ROBO1: variants seen among roughly 807,000 people sequenced by gnomAD.
ROBO1 encodes the protein roundabout homolog 1.
Under a neutral mutation model 195.9 loss-of-function variants are expected in ROBO1, and 149 were observed. The observed-to-expected ratio is 0.76, with a 90% CI of 0.67 to 0.87. The LOEUF is 0.87. ROBO1 is among the 40% of genes least tolerant of loss of function. The pLI is 0.00. For missense variants in ROBO1, 1,933 were observed against 2,068.3 expected (o/e 0.93, Z 1.27); for synonymous variants, 816 against 733.2 (o/e 1.11, Z -1.82).
At chr3:79,682,982 C>CAT (rs10693414) in intron 1 of ROBO1, among the ~76,000 whole-genome samples, 91,263 of 151,530 alleles carry the variant, frequency 0.6, 27,672 homozygotes, top group South Asian at 0.69. Context: ...ATGTAAAAGA[C>CAT]ATATAGGATA....
intron 2 of ROBO1, among the ~76,000 whole-genome samples, chr3:79,248,588 T>G (rs1010564055): frequency 1.3e-5 from 2 of 152,172 alleles, no homozygotes; most frequent in Non-Finnish European, 2.9e-5. Flanking sequence ...AATATTGTGA[T>G]TCAATATAAA....
chr3:78,989,548 A>G (rs1171599383), intron 3 of ROBO1, among the ~76,000 whole-genome samples: 1 of 152,212 alleles, frequency 6.6e-6, no homozygotes, highest in Admixed American at 6.5e-5. Flanking sequence ...CAGGAGGTAG[A>G]GGTTGCAGTG....
intron 3 of ROBO1, among the ~76,000 whole-genome samples, chr3:79,042,428 CAAAG>C (rs2078505307): frequency 1.3e-5 from 2 of 152,138 alleles, no homozygotes; most frequent in South Asian, 4.1e-4. Context: ...GCACAGCTGA[CAAAG>C]ATTAGACCCT....
At chr3:79,162,712 A>G (rs764016759) in intron 2 of ROBO1, among the ~76,000 whole-genome samples, 2 of 152,200 alleles carry the variant, frequency 1.3e-5, no homozygotes, top group Admixed American at 1.3e-4. Context: ...ATTAGCCCAG[A>G]ATAGTTTTAG....
chr3:78,662,720 A>C (rs1202905399), intron 14 of ROBO1, among the ~76,000 whole-genome samples: 2 of 152,220 alleles, frequency 1.3e-5, no homozygotes, highest in Non-Finnish European at 2.9e-5. Context: ...GATTAGACTC[A>C]TGAGAAAAAA....
intron 2 of ROBO1, among the ~76,000 whole-genome samples, chr3:79,430,556 C>G (rs2107023744): frequency 6.6e-6 from 1 of 152,198 alleles, no homozygotes; most frequent in African/African-American, 2.4e-5. Context: ...TAATTGGGAA[C>G]AAAAGGAGCA....
chr3:79,276,203 C>T (rs1423168827), intron 2 of ROBO1, among the ~76,000 whole-genome samples: 5 of 151,952 alleles, frequency 3.3e-5, no homozygotes, highest in African/African-American at 9.7e-5. Context: ...GGAGAAATCA[C>T]ACTACTTCAC....
chr3:79,449,419 T>G (rs2107186095), intron 2 of ROBO1, among the ~76,000 whole-genome samples: 1 of 151,682 alleles, frequency 6.6e-6, no homozygotes, highest in African/African-American at 2.4e-5. Flanking sequence ...GGGAAAAAAT[T>G]AAATTTACTA....
intron 2 of ROBO1, among the ~76,000 whole-genome samples, chr3:79,213,116 T>TA (rs1488106703): frequency 6.6e-6 from 1 of 151,686 alleles, no homozygotes; most frequent in African/African-American, 2.4e-5. Context: ...TGGTGGCACA[T>TA]ACCTGTAGTC....
chr3:78,899,156 A>G (rs1026272086), intron 4 of ROBO1, among the ~76,000 whole-genome samples: 1 of 152,200 alleles, frequency 6.6e-6, no homozygotes, highest in African/African-American at 2.4e-5. Context: ...TTGTCACAGA[A>G]TAAAAACATA....
chr3:78,772,957 G>GAGGGCA (rs1161853190), intron 4 of ROBO1, among the ~76,000 whole-genome samples: 1 of 152,062 alleles, frequency 6.6e-6, no homozygotes, highest in African/African-American at 2.4e-5. Flanking sequence ...TTGAAACCCT[G>GAGGGCA]AGGGCAAGAA....
chr3:79,024,249 T>C (rs1039150408), intron 3 of ROBO1, among the ~76,000 whole-genome samples: 2 of 152,206 alleles, frequency 1.3e-5, no homozygotes, highest in African/African-American at 4.8e-5. Context: ...TAAGTGCTTT[T>C]GATAGAGCCT....
intron 2 of ROBO1, among the ~76,000 whole-genome samples, chr3:79,335,230 A>AT (rs1462784790): frequency 6.6e-6 from 1 of 152,230 alleles, no homozygotes; most frequent in Non-Finnish European, 1.5e-5. Flanking sequence ...TACATATATT[A>AT]TTTTTTATTC....
rs564942419 is a variant in ROBO1, at chr3:78,666,432, C to T, written c.1966+1451G>A. On this transcript the variant is annotated intron_variant, in intron 14 of 30. Transcript: ENST00000464233. ...TCATGCATGTGAGTACAGGACAAAA[C>T]GGTGTTAAGCTCTAGTCATCAAAAC... is the stretch of plus-strand genomic sequence containing the variant. Among the ~76,000 whole-genome samples, 3 of 152,276 alleles carry T rather than the reference C, an allele frequency of 2.0e-5. No individual in the cohort carries two copies. The South Asian group carries it at 6.2e-4, about 32-fold the overall frequency.
intron 3 of ROBO1, among the ~76,000 whole-genome samples, chr3:78,973,800 A>G (rs1001393509): frequency 6.6e-6 from 1 of 151,888 alleles, no homozygotes; most frequent in African/African-American, 2.4e-5. Flanking sequence ...TATTTATCAT[A>G]TATCGGTTCT....
At chr3:78,829,194 C>A (rs2031917675) in intron 4 of ROBO1, among the ~76,000 whole-genome samples, 1 of 152,062 alleles carries the variant, frequency 6.6e-6, no homozygotes, top group South Asian at 2.1e-4. Context: ...TAATTTAATT[C>A]CCTTTAAAAA....
At chr3:78,964,896 C>T (rs2076603049) in intron 3 of ROBO1, among the ~76,000 whole-genome samples, 1 of 149,646 alleles carries the variant, frequency 6.7e-6, no homozygotes, top group African/African-American at 2.5e-5. Flanking sequence ...GTTACCCAGG[C>T]TGGTCTCAAA....
At chr3:79,363,661 C>A (rs2035855851) in intron 2 of ROBO1, among the ~76,000 whole-genome samples, 1 of 152,166 alleles carries the variant, frequency 6.6e-6, no homozygotes, top group Non-Finnish European at 1.5e-5. Context: ...CATATGTACC[C>A]ACAGGCATTC....
chr3:79,601,640 T>A (rs780310780), intron 1 of ROBO1, among the ~76,000 whole-genome samples: 3 of 151,954 alleles, frequency 2.0e-5, no homozygotes, highest in Admixed American at 1.3e-4. Flanking sequence ...ACATAAAAAC[T>A]ATAATACTCA....
Sources: allele counts gnomAD v4.1 joint callset (sites outside exome capture counted in the v4.1 genomes callset), GRCh38; gene constraint gnomAD v4.1.1; transcripts MANE v1.5; gene names NCBI Gene and HGNC (gene_info 2026-07-23, HGNC 2026-07-21).